The following PLXNC1 variants were observed in gnomAD, a reference collection of about 807,000 sequenced individuals.
PLXNC1 encodes plexin C1.
A neutral mutation model predicts 178.2 loss-of-function variants in PLXNC1; 75 were observed. The ratio of observed to expected loss-of-function variants is 0.42; its 90% CI spans 0.35 to 0.51. The LOEUF (loss-of-function observed/expected upper bound fraction) is 0.51, where lower values mean the gene tolerates loss of function less well. Among genes scored for constraint, PLXNC1 ranks in the 20% least tolerant of loss-of-function variants. The pLI is 0.02. For missense variants in PLXNC1, 1,503 were observed against 1,984.4 expected (o/e 0.76, Z 4.61); for synonymous variants, 790 against 779.9 (o/e 1.01, Z -0.22).
At chr12:94,190,087 G>A (rs1962667706) in intron 4 of PLXNC1, among the ~76,000 whole-genome samples, 1 of 152,178 alleles carries the variant, frequency 6.6e-6, no homozygotes, top group Non-Finnish European at 1.5e-5. Context: ...AGGACAGCTA[G>A]ATGAGGGAGA....
Position 94,279,526 on chromosome 12 carries a change from C to T in PLXNC1, c.3652C>T (p.Arg1218Trp), listed in dbSNP as rs1458455411. ...IPENESADVC[R>W]NISVNVLDCD... Reference sequence around the variant, plus strand: ...GGAAAACGAGAGTGCAGATGTCTGTCGGAATATTTCAGTCAATGTTCTCGA... The same window carrying T: ...GGAAAACGAGAGTGCAGATGTCTGTTGGAATATTTCAGTCAATGTTCTCGA... The change falls in exon 22 of 31, where the codon CGG becomes TGG. Residue 1218 changes from arginine (R) to tryptophan (W), a missense_variant. Arg to Trp is a moderately radical substitution (Grantham distance 101, BLOSUM62 -3). Coordinates refer to ENST00000258526, the MANE Select transcript of PLXNC1 (RefSeq NM_005761.3). The T allele has an allele frequency of 1.2e-6, 2 of 1,614,110 alleles. No homozygotes were observed. The highest frequency in any genetic ancestry group is 8.5e-7 in the Non-Finnish European group (1 of 1,179,962).
At position 94,307,408 on chromosome 12, in the gene PLXNC1, A is replaced by G. The variant is rs1199414321; in HGVS notation, c.*2123A>G. 1 of 152,228 alleles carries G rather than the reference A, an allele frequency of 6.6e-6. No homozygotes were observed. The highest frequency in any genetic ancestry group is 2.4e-5 in the African/African-American group (1 of 41,472). The allele number at this position is 152,228 out of a possible 1,614,324, so 9.4% of individuals were successfully genotyped here. ...AGATGTGTGCTGAAGACAATCAGTC[A>G]CTGGGTCTATATTAAACAGCAACCA... is the stretch of plus-strand genomic sequence containing the variant. On this transcript the variant is annotated 3_prime_UTR_variant, in exon 31 of 31. Coordinates refer to ENST00000258526, the MANE Select transcript of PLXNC1 (RefSeq NM_005761.3).
chr12:94,243,968 A>G lies in PLXNC1; in HGVS notation c.2331A>G (p.Arg777=). 1 of 1,600,910 alleles carries G rather than the reference A, an allele frequency of 6.2e-7. No homozygotes were observed. Among genetic ancestry groups the G allele is most frequent in the Non-Finnish European group, 8.6e-7 (1 of 1,169,266 alleles). ...SGGQNITMMG[R]NFDVIDNLII... ...GTCAAAATATAACCATGATGGGCAG[A>G]AATTTTGATGTAATTGACAACTTAA... Residue 777 remains arginine (R), a synonymous_variant, in exon 12 of 31, where the codon AGA becomes AGG. Transcript: ENST00000258526.
At position 94,178,491 on chromosome 12, in the gene PLXNC1, TC is replaced by T. The variant is rs2135955950; in HGVS notation, c.1204-2952del. ...CAAAAACTGGCTTCCTGTTTCTCTTTCCCTATACAACTGCTTTCCAGAACCA... is the reference window on the plus strand; with the variant it reads ...CAAAAACTGGCTTCCTGTTTCTCTTTCCTATACAACTGCTTTCCAGAACCA... On this transcript the variant is annotated intron_variant, in intron 2 of 30. Transcript: ENST00000258526. 2.0e-5 allele frequency among the ~76,000 whole-genome samples: 3 copies of T among 152,334 alleles called. No individual in the cohort carries two copies. In the South Asian group the frequency reaches 6.2e-4, roughly 32 times the overall value.
In PLXNC1 at chr12:94,243,949, A is replaced by G. The variant is rs370616310; in HGVS notation, c.2312A>G (p.Asn771Ser). 2.0e-5 allele frequency: 31 copies of G among 1,588,646 alleles called. No homozygotes were observed. In the Middle Eastern group the frequency reaches 8.3e-4, roughly 43 times the overall value. The stretch of plus-strand genomic sequence containing the variant: ...TTTATTCCTTGCAGTGGTGGTCAAA[A>G]TATAACCATGATGGGCAGAAATTTT... Reference protein sequence around the residue: ...PATTWISGGQNITMMGRNFDV... With the variant: ...PATTWISGGQSITMMGRNFDV... Residue 771 changes from asparagine (N) to serine (S), a missense_variant, in exon 12 of 31, where the codon AAT becomes AGT. Physicochemically the swap from Asn to Ser is conservative, Grantham distance 46. Coordinates refer to ENST00000258526, the MANE Select transcript of PLXNC1 (RefSeq NM_005761.3).
intron 7 of PLXNC1, among the ~76,000 whole-genome samples, chr12:94,225,313 G>A (rs1164228010): frequency 6.6e-6 from 1 of 152,120 alleles, no homozygotes; most frequent in Admixed American, 6.5e-5. Flanking sequence ...TCCTGGCCTG[G>A]GAACCATGGT....
At chr12:94,209,518 A>C (rs565761827) in intron 4 of PLXNC1, 72 bp from the exon 5 acceptor site, 10 of 823,904 alleles carry the variant, frequency 1.2e-5, no homozygotes, top group Non-Finnish European at 2.1e-5. Context: ...AGTTTTAACT[A>C]ATGCACGTAT....
intron 23 of PLXNC1, among the ~76,000 whole-genome samples, chr12:94,288,911 T>C (rs1163678875): frequency 6.6e-6 from 1 of 152,246 alleles, no homozygotes; most frequent in African/African-American, 2.4e-5. Context: ...TTGATTCTCA[T>C]GTTTTCAGAT....
rs1159811009 is a variant in PLXNC1 at position 94,306,127 on chromosome 12, A to AAC, written c.*843_*844dup. 1 of 152,158 alleles carries AAC rather than the reference A, an allele frequency of 6.6e-6. No homozygotes were observed. Among genetic ancestry groups the AAC allele is most frequent in the African/African-American group, 2.4e-5 (1 of 41,442 alleles). 9.4% of individuals were successfully genotyped at this position (152,158 alleles called of 1,614,324 possible). A position where few individuals can be genotyped will look rare whatever the true frequency, so the allele number is the denominator to read the frequency against. On this transcript the variant is annotated 3_prime_UTR_variant, in exon 31 of 31. Transcript: ENST00000258526. Reference sequence around the variant, plus strand: ...TTTCTGTTCCAAAACCTTTGATCAGAACGATCTGTGGAAGAGTAACTCCAT... The same window carrying AAC: ...TTTCTGTTCCAAAACCTTTGATCAGAACACGATCTGTGGAAGAGTAACTCCAT...
In PLXNC1 at chr12:94,305,316, G is replaced by A. The variant is rs1252983243; in HGVS notation, c.*31G>A. On this transcript the variant is annotated 3_prime_UTR_variant, in exon 31 of 31. Coordinates refer to ENST00000258526, the MANE Select transcript of PLXNC1 (RefSeq NM_005761.3). ...CTGGGGCCTGGCTTAATCTGGCAAA[G>A]TTCTTCAGACGACTTGGGAGCAAAA... The A allele has an allele frequency of 1.4e-6, 2 of 1,405,922 alleles. No homozygotes were observed. The highest frequency in any genetic ancestry group is 2.9e-5 in the African/African-American group (2 of 69,604). 87.1% of individuals were successfully genotyped at this position (1,405,922 alleles called of 1,614,324 possible). A position where few individuals can be genotyped will look rare whatever the true frequency, so the allele number is the denominator to read the frequency against.
In PLXNC1 at chr12:94,226,606, T is replaced by C; in HGVS notation, c.1792T>C (p.Cys598Arg). The change falls in exon 8 of 31, where the codon TGC (cysteine) becomes CGC (arginine). Residue 598 changes from cysteine (C) to arginine (R), a missense_variant and splice_region_variant. Transcript: ENST00000258526. Reference sequence around the variant, plus strand: ...TAAGTCAGTTTTCTGTGTTGCTAGATGCCCAGCATGCGTAGAAACTGGCTG... The same window carrying C: ...TAAGTCAGTTTTCTGTGTTGCTAGACGCCCAGCATGCGTAGAAACTGGCTG... ...NFTNCSSLKE[C>R]PACVETGCAW... 1 of 1,609,678 alleles carries C rather than the reference T, an allele frequency of 6.2e-7. No homozygotes were observed. The highest frequency in any genetic ancestry group is 8.5e-7 in the Non-Finnish European group (1 of 1,175,990).
intron 26 of PLXNC1, among the ~76,000 whole-genome samples, chr12:94,298,073 G>T (rs963312263): frequency 6.6e-6 from 1 of 152,154 alleles, no homozygotes; most frequent in African/African-American, 2.4e-5. Flanking sequence ...TTATAACAAA[G>T]AATCTGCTTA....
chr12:94,168,380 TG>T (rs1346133480), intron 1 of PLXNC1: 1 of 152,246 alleles, frequency 6.6e-6, no homozygotes, highest in Non-Finnish European at 1.5e-5. Flanking sequence ...AAAGACATTT[TG>T]GTCGACACTC....
chr12:94,248,424 G>A lies in PLXNC1; in HGVS notation c.2778+12G>A. 6.3e-7 allele frequency: 1 copy of A among 1,588,044 alleles called. No individual in the cohort carries two copies. Among genetic ancestry groups the A allele is most frequent in the Non-Finnish European group, 8.6e-7 (1 of 1,166,730 alleles). On this transcript the variant is annotated intron_variant, in intron 14 of 30. Coordinates refer to ENST00000258526, the MANE Select transcript of PLXNC1 (RefSeq NM_005761.3). The stretch of plus-strand genomic sequence containing the variant: ...CTAAGAAAGTTCGGGTAAGTGACCT[G>A]GCAGTCCCACCTGCTGTCTTTACCT...
intron 9 of PLXNC1, among the ~76,000 whole-genome samples, chr12:94,231,468 G>A (rs989568438): frequency 6.6e-6 from 1 of 152,162 alleles, no homozygotes; most frequent in Non-Finnish European, 1.5e-5. Context: ...GCAATGGAAT[G>A]CCATTCAAGG....
chr12:94,223,729 C>G (rs1456710694), intron 6 of PLXNC1, among the ~76,000 whole-genome samples: 3 of 152,168 alleles, frequency 2.0e-5, no homozygotes, highest in Non-Finnish European at 4.4e-5. Context: ...GATTTGGTGA[C>G]AGTTGACCCC....
rs145034450 is a variant in PLXNC1, at chr12:94,176,767, A to T, written c.1204-4679A>T. On this transcript the variant is annotated intron_variant, in intron 2 of 30. Coordinates refer to ENST00000258526, the MANE Select transcript of PLXNC1 (RefSeq NM_005761.3). Reference sequence around the variant, plus strand: ...TGTCTACAGGCAAAAGAGTGAAGATATTCTTCCTCCCTTTTGTTGAAACAT... The same window carrying T: ...TGTCTACAGGCAAAAGAGTGAAGATTTTCTTCCTCCCTTTTGTTGAAACAT... 8.0e-3 allele frequency among the ~76,000 whole-genome samples: 1,217 copies of T among 152,230 alleles called. 13 individuals are homozygous for T. Among genetic ancestry groups the T allele is most frequent in the Middle Eastern group, 0.017 (5 of 294 alleles).
At position 94,289,166 on chromosome 12, in the gene PLXNC1, C is replaced by T. The variant is rs567906549; in HGVS notation, c.3880-5320C>T. On this transcript the variant is annotated intron_variant, in intron 23 of 30. Coordinates refer to ENST00000258526, the MANE Select transcript of PLXNC1 (RefSeq NM_005761.3). ...ATGGTATCTTATAAAGAAATCTTAC[C>T]TTCACTTGCAAGTGGTTTGGAGGAT... Among the ~76,000 whole-genome samples, 4 of 152,252 alleles carry T rather than the reference C, an allele frequency of 2.6e-5. No individual in the cohort carries two copies. The East Asian group carries it at 7.7e-4, about 29-fold the overall frequency.
intron 3 of PLXNC1, among the ~76,000 whole-genome samples, chr12:94,182,602 G>T (rs143572745): frequency 0.096 from 14,524 of 151,528 alleles, 972 homozygotes; most frequent in African/African-American, 0.19. Context: ...GTGCATGCCT[G>T]TAATCCCAGC....
Sources: gnomAD v4.1 joint callset for allele counts (sites outside exome capture counted in the v4.1 genomes callset) on GRCh38, gnomAD v4.1.1 for gene constraint, MANE v1.5 for transcripts, NCBI Gene and HGNC (gene_info 2026-07-23, HGNC 2026-07-21) for gene names.